Variants in FGF14 observed in about 807,000 individuals in gnomAD.
The protein encoded by FGF14 is fibroblast growth factor 14, also known as fibroblast growth factor homologous factor 4.
Under a neutral mutation model 25.5 loss-of-function variants are expected in FGF14, and 5 were observed. The observed-to-expected ratio is 0.20, with a 90% confidence interval of 0.10 to 0.41. The LOEUF (loss-of-function observed/expected upper bound fraction) is 0.41, where lower values mean the gene tolerates loss of function less well. FGF14 is among the 10% of genes least tolerant of loss of function. The pLI is 1.00. For synonymous variants in FGF14, 138 were observed against 118.3 expected (o/e 1.17, Z -1.08); for missense variants, 222 against 320.1 (o/e 0.69, Z 2.34).
intron 1 of FGF14, among the ~76,000 whole-genome samples, chr13:102,168,798 A>G (rs975797959): frequency 6.6e-6 from 1 of 152,114 alleles, no homozygotes; most frequent in African/African-American, 2.4e-5. Context: ...TCAGGCCATG[A>G]TAATGTTCTT....
At chr13:101,991,574 A>G (rs2038906737) in intron 1 of FGF14, among the ~76,000 whole-genome samples, 2 of 152,146 alleles carry the variant, frequency 1.3e-5, no homozygotes, top group African/African-American at 4.8e-5. Flanking sequence ...GCTAAAAATC[A>G]ACAACACTGC....
At chr13:101,761,043 T>G (rs2139904906) in intron 3 of FGF14, among the ~76,000 whole-genome samples, 1 of 152,332 alleles carries the variant, frequency 6.6e-6, no homozygotes, top group South Asian at 2.1e-4. Flanking sequence ...TAATCTTACT[T>G]TTCAAACCAA....
intron 1 of FGF14, among the ~76,000 whole-genome samples, chr13:102,182,147 A>G (rs1476949882): frequency 6.6e-6 from 1 of 152,124 alleles, no homozygotes; most frequent in Admixed American, 6.6e-5. Flanking sequence ...AAAACTAGAG[A>G]GACTTTCCAG....
At chr13:102,037,505 C>T (rs2041533117) in intron 1 of FGF14, among the ~76,000 whole-genome samples, 2 of 152,018 alleles carry the variant, frequency 1.3e-5, no homozygotes, top group South Asian at 4.1e-4. Flanking sequence ...CTTGGATAAT[C>T]CAGGAAAATC....
At chr13:102,045,173 C>A (rs550568550) in intron 1 of FGF14, among the ~76,000 whole-genome samples, 1 of 152,060 alleles carries the variant, frequency 6.6e-6, no homozygotes, top group African/African-American at 2.4e-5. Context: ...AGACACTTCC[C>A]ATCAAGCATC....
At chr13:102,226,381 C>T (rs1216510147) in intron 1 of FGF14, among the ~76,000 whole-genome samples, 2 of 152,260 alleles carry the variant, frequency 1.3e-5, no homozygotes, top group African/African-American at 4.8e-5. Context: ...TAATAGCTAG[C>T]TATGCTAATT....
intron 1 of FGF14, among the ~76,000 whole-genome samples, chr13:102,269,026 G>A (rs762280570): frequency 7.9e-5 from 12 of 152,122 alleles, no homozygotes; most frequent in East Asian, 3.8e-4. Context: ...CTTACTAAAT[G>A]GTGAAGTAAC....
chr13:102,395,903 C>T (rs530902034), intron 1 of FGF14, among the ~76,000 whole-genome samples: 1 of 152,264 alleles, frequency 6.6e-6, no homozygotes, highest in Non-Finnish European at 1.5e-5. Context: ...CCTTTTGTTC[C>T]CTTCTCTTCA....
At chr13:102,158,904 C>T (rs140670343) in intron 1 of FGF14, among the ~76,000 whole-genome samples, 7,452 of 151,928 alleles carry the variant, frequency 0.049, 375 homozygotes, top group East Asian at 0.2. Context: ...TTTGGGAGGC[C>T]GAGGCAGGTG....
intron 1 of FGF14, among the ~76,000 whole-genome samples, chr13:102,158,685 T>C (rs1448933919): frequency 6.6e-6 from 1 of 151,950 alleles, no homozygotes; most frequent in Non-Finnish European, 1.5e-5. Flanking sequence ...AAAAAAATCT[T>C]TGAACTGATC....
At chr13:102,078,221 A>G (rs1036450185) in intron 1 of FGF14, among the ~76,000 whole-genome samples, 4 of 152,212 alleles carry the variant, frequency 2.6e-5, no homozygotes, top group Non-Finnish European at 2.9e-5. Context: ...ATTGTCCAAT[A>G]TGGTAACTAT....
At chr13:102,195,393 T>C in intron 1 of FGF14, among the ~76,000 whole-genome samples, 1 of 152,138 alleles carries the variant, frequency 6.6e-6, no homozygotes, top group East Asian at 1.9e-4. Flanking sequence ...AAATTTTATA[T>C]ACCACTGACA....
chr13:102,253,425 G>A (rs1430507103), intron 1 of FGF14, among the ~76,000 whole-genome samples: 1 of 152,186 alleles, frequency 6.6e-6, no homozygotes, highest in Non-Finnish European at 1.5e-5. Context: ...AACCAGTGAT[G>A]ATGAGCTTTT....
chr13:101,859,176 G>A (rs3007770), intron 3 of FGF14, among the ~76,000 whole-genome samples: 41,489 of 151,942 alleles, frequency 0.27, 5,970 homozygotes, highest in East Asian at 0.53. Flanking sequence ...GCCACTCGAG[G>A]AATAAATTAA....
Position 101,989,787 on chromosome 13 carries a change from A to G in FGF14, c.209-114491T>C, listed in dbSNP as rs141270926. Among the ~76,000 whole-genome samples, 322 of 152,230 alleles carry G rather than the reference A, an allele frequency of 2.1e-3. 1 individual carries two copies. Among genetic ancestry groups the G allele is most frequent in the African/African-American group, 7.3e-3 (302 of 41,554 alleles). On this transcript the variant is annotated intron_variant, in intron 1 of 4. Transcript: ENST00000376131. ...CAATAACATTTATGGGGCTTTAACT[A>G]GGTTCTCTAGTACAGGATCTTTTGT...
intron 1 of FGF14, among the ~76,000 whole-genome samples, chr13:102,328,890 A>G (rs1480991717): frequency 6.6e-6 from 1 of 152,148 alleles, no homozygotes; most frequent in Admixed American, 6.5e-5. Flanking sequence ...GAAGCCCTAC[A>G]TGCTCTTGGC....
At chr13:102,143,438 C>T (rs2046728885) in intron 1 of FGF14, among the ~76,000 whole-genome samples, 1 of 152,066 alleles carries the variant, frequency 6.6e-6, no homozygotes, top group African/African-American at 2.4e-5. Context: ...CTAATTAACA[C>T]CAACAAAGCC....
intron 3 of FGF14, among the ~76,000 whole-genome samples, chr13:101,751,537 T>C (rs2037273842): frequency 6.6e-6 from 1 of 152,060 alleles, no homozygotes; most frequent in South Asian, 2.1e-4. Context: ...ATACATACAT[T>C]AAGTTTCCAA....
intron 1 of FGF14, among the ~76,000 whole-genome samples, chr13:102,165,365 C>T (rs2047954654): frequency 2.6e-5 from 4 of 151,928 alleles, no homozygotes; most frequent in Admixed American, 1.3e-4. Flanking sequence ...CACATGCACA[C>T]GTATGTTTAT....
Sources: gnomAD v4.1 joint callset for allele counts (sites outside exome capture counted in the v4.1 genomes callset) on GRCh38, gnomAD v4.1.1 for gene constraint, MANE v1.5 for transcripts, NCBI Gene and HGNC (gene_info 2026-07-23, HGNC 2026-07-21) for gene names.